Variants in RSU1 observed in about 807,000 individuals in gnomAD.
RSU1 encodes rsu-1.
Under a neutral mutation model 31.1 loss-of-function variants are expected in RSU1, and 26 were observed. That is an observed-to-expected ratio of 0.84 (90% confidence interval 0.61 to 1.16). RSU1 has a LOEUF of 1.16. Among genes scored for constraint, RSU1 ranks in the 50% most tolerant of loss-of-function variants. The pLI is 0.00. For missense variants in RSU1, 320 were observed against 339.1 expected, an observed-to-expected ratio of 0.94 and a Z score of 0.44; for synonymous variants, 164 against 136.3, an observed-to-expected ratio of 1.20 and a Z score of -1.41.
chr10:16,803,553 G>A (rs536273367), intron 2 of RSU1, among the ~76,000 whole-genome samples: 2 of 152,244 alleles, frequency 1.3e-5, no homozygotes, highest in East Asian at 3.9e-4. Context: ...AAATACAGTT[G>A]GAGCACTGAC....
At chr10:16,706,175 C>G (rs568490156) in intron 7 of RSU1, among the ~76,000 whole-genome samples, 3 of 152,130 alleles carry the variant, frequency 2.0e-5, no homozygotes, top group Non-Finnish European at 2.9e-5. Flanking sequence ...ACTGCTGGGT[C>G]GTATGGTAGT....
chr10:16,787,626 T>C (rs11254186), intron 2 of RSU1, among the ~76,000 whole-genome samples: 65,673 of 152,066 alleles, frequency 0.43, 17,255 homozygotes, highest in African/African-American at 0.75. Flanking sequence ...ATACTGTTCG[T>C]GTGACAGTAA....
chr10:16,812,819 T>C lies in RSU1; in HGVS notation c.109+4154A>G, dbSNP rs151046060. Reference sequence around the variant, plus strand: ...AGAAATGAAAGAAAGTTCCTCCGGCTACAGCTGGGATTCTGTCTCTATGGA... The same window carrying C: ...AGAAATGAAAGAAAGTTCCTCCGGCCACAGCTGGGATTCTGTCTCTATGGA... On this transcript the variant is annotated intron_variant, in intron 2 of 8. Transcript: ENST00000345264. Among the ~76,000 whole-genome samples the C allele has an allele frequency of 1.3e-4, 20 of 152,296 alleles. 1 individual carries two copies. The highest frequency in any genetic ancestry group is 4.1e-4 in the African/African-American group (17 of 41,572).
At chr10:16,751,800 G>C (rs1306628028) in intron 7 of RSU1, among the ~76,000 whole-genome samples, 3 of 152,200 alleles carry the variant, frequency 2.0e-5, no homozygotes, top group Non-Finnish European at 2.9e-5. Context: ...TCAAAGGACT[G>C]AAGAAATGAG....
At chr10:16,722,607 T>C (rs1454429170) in intron 7 of RSU1, among the ~76,000 whole-genome samples, 1 of 152,072 alleles carries the variant, frequency 6.6e-6, no homozygotes, top group Non-Finnish European at 1.5e-5. Context: ...TTAGAACTCA[T>C]GAGTGAAGAA....
chr10:16,760,487 C>G (rs1335860185), intron 4 of RSU1, among the ~76,000 whole-genome samples: 1 of 123,412 alleles, frequency 8.1e-6, no homozygotes, highest in Non-Finnish European at 1.7e-5. Flanking sequence ...GGAGCCTGGG[C>G]AACAAGAAAG....
At chr10:16,816,596 C>G (rs566900375) in intron 2 of RSU1, among the ~76,000 whole-genome samples, 5 of 152,320 alleles carry the variant, frequency 3.3e-5, no homozygotes, top group African/African-American at 4.8e-5. Flanking sequence ...AACCATGGAA[C>G]TTTTCTGTGT....
At chr10:16,598,710 T>C (rs1292077171) in intron 8 of RSU1, among the ~76,000 whole-genome samples, 1 of 152,218 alleles carries the variant, frequency 6.6e-6, no homozygotes, top group Non-Finnish European at 1.5e-5. Flanking sequence ...TAGAATCTCC[T>C]GCAAGAGGCA....
At chr10:16,736,319 C>T (rs1289024487) in intron 7 of RSU1, among the ~76,000 whole-genome samples, 1 of 152,140 alleles carries the variant, frequency 6.6e-6, no homozygotes, top group East Asian at 1.9e-4. Context: ...ATAAGCTAAA[C>T]AATCACTGGA....
Position 16,648,132 on chromosome 10 carries a change from AT to A in RSU1, c.731+46890del, listed in dbSNP as rs1554763091. 0.012 allele frequency among the ~76,000 whole-genome samples: 1,574 copies of A among 133,474 alleles called. 63 individuals carry two copies. The East Asian group carries it at 0.13, about 11-fold the overall frequency. The allele number at this position is 133,474 out of a possible 152,430, so 87.6% of individuals were successfully genotyped here. A position where few individuals can be genotyped will look rare whatever the true frequency, so the allele number is the denominator to read the frequency against. On this transcript the variant is annotated intron_variant, in intron 8 of 8. Transcript: ENST00000345264. ...CCTGGCTAATTTAAAAAAAAAAAAA[AT>A]TTTTTTTTTTTTTTAAGAGACTAGG...
In RSU1 at chr10:16,620,087, A is replaced by G. The variant is rs189526626; in HGVS notation, c.732-26591T>C. 2.9e-3 allele frequency among the ~76,000 whole-genome samples: 444 copies of G among 152,260 alleles called. 1 individual carries two copies. The highest frequency in any genetic ancestry group is 6.8e-3 in the Middle Eastern group (2 of 294). On this transcript the variant is annotated intron_variant, in intron 8 of 8. Transcript: ENST00000345264. The stretch of plus-strand genomic sequence containing the variant: ...GTGAACATTGCTCTGTTTTGGGGGA[A>G]ACTGCTTCAAATATTCTGCTTTATC...
intron 8 of RSU1, among the ~76,000 whole-genome samples, chr10:16,690,965 T>C (rs934708431): frequency 6.6e-6 from 1 of 152,104 alleles, no homozygotes; most frequent in Non-Finnish European, 1.5e-5. Context: ...AAGTAAGGAT[T>C]CTTTTTAATA....
At chr10:16,670,755 G>A (rs1042054775) in intron 8 of RSU1, among the ~76,000 whole-genome samples, 3 of 152,006 alleles carry the variant, frequency 2.0e-5, no homozygotes, top group African/African-American at 7.3e-5. Context: ...TCAGCACCAT[G>A]GATAGCGCCA....
chr10:16,652,392 CAAAA>C (rs71505091), intron 8 of RSU1, among the ~76,000 whole-genome samples: 3 of 89,152 alleles, frequency 3.4e-5, no homozygotes, highest in African/African-American at 7.8e-5. Context: ...TGCCCCAAAG[CAAAA>C]AAAAAAAAAA....
intron 2 of RSU1, among the ~76,000 whole-genome samples, chr10:16,811,266 G>A (rs557542069): frequency 3.9e-5 from 6 of 152,220 alleles, no homozygotes; most frequent in Non-Finnish European, 7.4e-5. Flanking sequence ...GGTGTGTGTA[G>A]GGACATTCTG....
intron 7 of RSU1, among the ~76,000 whole-genome samples, chr10:16,722,254 T>G (rs925955450): frequency 6.6e-6 from 1 of 152,180 alleles, no homozygotes; most frequent in Non-Finnish European, 1.5e-5. Context: ...TAGGGTTCAG[T>G]ACTATCTGCA....
chr10:16,745,631 G>C (rs930347934), intron 7 of RSU1, among the ~76,000 whole-genome samples: 2 of 152,082 alleles, frequency 1.3e-5, no homozygotes, highest in Non-Finnish European at 2.9e-5. Flanking sequence ...GCACAGGAAA[G>C]ACCCGCCCCC....
chr10:16,599,063 C>T (rs1021854998), intron 8 of RSU1, among the ~76,000 whole-genome samples: 4 of 152,194 alleles, frequency 2.6e-5, no homozygotes, highest in Non-Finnish European at 5.9e-5. Context: ...TGGCTGGTCC[C>T]TGTCCCACCA....
rs544526129 is a variant in RSU1, at chr10:16,716,136, T to C, written c.599-20981A>G. ...GATGAAAATCATCACACAGAGATTA[T>C]GGAAACTGAAACTATCTCAGAAAAA... On this transcript the variant is annotated intron_variant, in intron 7 of 8. Transcript: ENST00000345264. Among the ~76,000 whole-genome samples, 19 of 152,240 alleles carry C rather than the reference T, an allele frequency of 1.2e-4. No individual in the cohort carries two copies. The East Asian group carries it at 2.3e-3, about 19-fold the overall frequency.
Sources: allele counts gnomAD v4.1 joint callset (sites outside exome capture counted in the v4.1 genomes callset), GRCh38; gene constraint gnomAD v4.1.1; transcripts MANE v1.5; gene names NCBI Gene and HGNC (gene_info 2026-07-23, HGNC 2026-07-21).